The following TBPL1 variants were observed in gnomAD, a reference collection of about 807,000 sequenced individuals.
The protein encoded by TBPL1 is TATA-box binding protein like 1, also known as TATA box-binding protein-like 1.
TBPL1 carries 4 observed loss-of-function variants against 22.1 expected under a neutral mutation model. The observed-to-expected ratio is 0.18, with a 90% CI of 0.09 to 0.41. The LOEUF is 0.41. Ranked by LOEUF, TBPL1 falls within the 10% of genes least tolerant of loss-of-function variation. The pLI is 1.00. For synonymous variants in TBPL1, 64 were observed against 71.0 expected (o/e 0.90, Z 0.50); for missense variants, 115 against 222.3 (o/e 0.52, Z 3.07).
Position 133,987,393 on chromosome 6 carries a change from T to G in TBPL1, c.*353T>G, listed in dbSNP as rs954570920. Reference sequence around the variant, plus strand: ...TGAGCTAATGTGTTTTATTTGTGAATAGTCTTTTACATTTTTGTATGCTGA... The same window carrying G: ...TGAGCTAATGTGTTTTATTTGTGAAGAGTCTTTTACATTTTTGTATGCTGA... On this transcript the variant is annotated 3_prime_UTR_variant, in exon 7 of 7. Coordinates refer to ENST00000237264, the MANE Select transcript of TBPL1 (RefSeq NM_004865.4). 1 of 156,244 alleles carries G rather than the reference T, an allele frequency of 6.4e-6. No homozygotes were observed. The highest frequency in any genetic ancestry group is 6.5e-5 in the Admixed American group (1 of 15,384). The allele number at this position is 156,244 out of a possible 1,614,324, so 9.7% of individuals were successfully genotyped here. A position where few individuals can be genotyped will look rare whatever the true frequency, so the allele number is the denominator to read the frequency against.
At chr6:133,958,467 T>G (rs915810495) in intron 1 of TBPL1, among the ~76,000 whole-genome samples, 9 of 152,198 alleles carry the variant, frequency 5.9e-5, no homozygotes, top group South Asian at 2.1e-4. Flanking sequence ...AAGAATGACT[T>G]CGTAGGATAG....
rs1775872330 is a variant in TBPL1 at position 133,953,425 on chromosome 6, G to A, written c.-45G>A. The A allele has an allele frequency of 6.5e-6, 1 of 152,862 alleles. No homozygotes were observed. The highest frequency in any genetic ancestry group is 6.5e-5 in the Admixed American group (1 of 15,282). The allele number at this position is 152,862 out of a possible 1,614,324, so 9.5% of individuals were successfully genotyped here. A position where few individuals can be genotyped will look rare whatever the true frequency, so the allele number is the denominator to read the frequency against. The stretch of plus-strand genomic sequence containing the variant: ...CTCAGCCACCGCTCCCTCTTCCCAC[G>A]GTAACCCCCTAGGCGACCCTGGGCA... On this transcript the variant is annotated splice_region_variant and 5_prime_UTR_variant, in exon 1 of 7. Coordinates refer to ENST00000237264, the MANE Select transcript of TBPL1 (RefSeq NM_004865.4).
intron 1 of TBPL1, among the ~76,000 whole-genome samples, chr6:133,968,370 G>A (rs1399544869): frequency 6.6e-6 from 1 of 152,078 alleles, no homozygotes; most frequent in Non-Finnish European, 1.5e-5. Flanking sequence ...ATATAGTAAG[G>A]AATCATATGC....
At chr6:133,952,195 C>CG (rs1432860665), upstream of TBPL1, 2 of 152,252 alleles carry the variant, frequency 1.3e-5, no homozygotes, top group Admixed American at 6.5e-5. This position sits in a 1 kb window ranked among gnomAD's most constrained non-coding sequence, Gnocchi z 4.5. Flanking sequence ...TTCGCTCCCG[C>CG]GGGCAGCGCC....
chr6:133,957,225 G>A (rs1287921099), intron 1 of TBPL1, among the ~76,000 whole-genome samples: 5 of 152,160 alleles, frequency 3.3e-5, no homozygotes, highest in Non-Finnish European at 7.3e-5. Context: ...CTTTGTGTGG[G>A]AGTCAATAAT....
At chr6:133,969,996 T>C (rs1776189510) in intron 1 of TBPL1, among the ~76,000 whole-genome samples, 1 of 152,222 alleles carries the variant, frequency 6.6e-6, no homozygotes, top group Admixed American at 6.5e-5. Context: ...GTCTCATCTT[T>C]CACCTAATAG....
chr6:133,962,066 G>C (rs1357987232), intron 1 of TBPL1, among the ~76,000 whole-genome samples: 1 of 152,104 alleles, frequency 6.6e-6, no homozygotes, highest in East Asian at 1.9e-4. Flanking sequence ...GGGAAAGGAC[G>C]ATTTAGGCAG....
chr6:133,971,483 C>T (rs1776220044), intron 1 of TBPL1, among the ~76,000 whole-genome samples: 1 of 152,094 alleles, frequency 6.6e-6, no homozygotes, highest in African/African-American at 2.4e-5. Context: ...TTTTGAGGAA[C>T]TTCTATACTG....
chr6:133,982,731 A>T (rs1156229844), intron 3 of TBPL1, 81 bp downstream of exon 3: 8 of 1,583,978 alleles, frequency 5.1e-6, no homozygotes, highest in Non-Finnish European at 6.9e-6. Context: ...TTAACAGCAA[A>T]ATCATATGTA....
chr6:133,987,631 T>C lies in TBPL1; in HGVS notation c.*591T>C, dbSNP rs1486871574. ...TTCTTTTTGAAGTGTATTTTGTGTG[T>C]GTGTGTGTGTGTGTGTGTATATATA... On this transcript the variant is annotated 3_prime_UTR_variant, in exon 7 of 7. Coordinates refer to ENST00000237264, the MANE Select transcript of TBPL1 (RefSeq NM_004865.4). 6.8e-6 allele frequency: 1 copy of C among 146,098 alleles called. No individual in the cohort carries two copies. The highest frequency in any genetic ancestry group is 1.9e-4 in the East Asian group (1 of 5,166). The allele number at this position is 146,098 out of a possible 1,614,324, so 9.1% of individuals were successfully genotyped here. A position where few individuals can be genotyped will look rare whatever the true frequency, so the allele number is the denominator to read the frequency against.
At chr6:133,973,175 G>A (rs1414997306) in intron 1 of TBPL1, among the ~76,000 whole-genome samples, 1 of 152,192 alleles carries the variant, frequency 6.6e-6, no homozygotes. Flanking sequence ...GCTTTATAAA[G>A]GATGTGAGGT....
intron 1 of TBPL1, among the ~76,000 whole-genome samples, chr6:133,964,738 A>G (rs970602888): frequency 6.6e-6 from 1 of 152,090 alleles, no homozygotes; most frequent in East Asian, 1.9e-4. Context: ...GTGAGCCACC[A>G]TGCCCGGCCG....
chr6:133,988,795 A>C lies in TBPL1; in HGVS notation c.*1755A>C, dbSNP rs1776576008. The C allele has an allele frequency of 6.6e-6, 1 of 152,136 alleles. No homozygotes were observed. The highest frequency in any genetic ancestry group is 1.5e-5 in the Non-Finnish European group (1 of 68,020). 9.4% of individuals were successfully genotyped at this position (152,136 alleles called of 1,614,324 possible). A position where few individuals can be genotyped will look rare whatever the true frequency, so the allele number is the denominator to read the frequency against. On this transcript the variant is annotated 3_prime_UTR_variant, in exon 7 of 7. Coordinates refer to ENST00000237264, the MANE Select transcript of TBPL1 (RefSeq NM_004865.4). Reference sequence around the variant, plus strand: ...AGTAGGATAGCCAAATTCATAGAGAATAAAATTACATGAAAGAGTTACAAG... The same window carrying C: ...AGTAGGATAGCCAAATTCATAGAGACTAAAATTACATGAAAGAGTTACAAG...
At chr6:133,967,020 G>A (rs1416372508) in intron 1 of TBPL1, among the ~76,000 whole-genome samples, 1 of 152,120 alleles carries the variant, frequency 6.6e-6, no homozygotes, top group Non-Finnish European at 1.5e-5. Context: ...TGGCATAGAA[G>A]GCATGATTTG....
At chr6:133,968,655 T>G (rs534535319) in intron 1 of TBPL1, among the ~76,000 whole-genome samples, 317 of 152,232 alleles carry the variant, frequency 2.1e-3, no homozygotes, top group African/African-American at 6.4e-3. Flanking sequence ...GTCTACTGTC[T>G]TAGCATCCAA....
intron 1 of TBPL1, among the ~76,000 whole-genome samples, chr6:133,976,921 TC>T (rs1027516714): frequency 6.8e-6 from 1 of 146,064 alleles, no homozygotes; most frequent in African/African-American, 2.6e-5. Flanking sequence ...TGAGCCAAGA[TC>T]GCGTCACAGC....
chr6:133,968,397 G>A (rs906470037), intron 1 of TBPL1, among the ~76,000 whole-genome samples: 15 of 152,034 alleles, frequency 9.9e-5, no homozygotes, highest in African/African-American at 3.6e-4. Context: ...TCTCATCTTT[G>A]CGTTTGAATT....
At chr6:133,956,953 T>C (rs1775937805) in intron 1 of TBPL1, among the ~76,000 whole-genome samples, 1 of 152,234 alleles carries the variant, frequency 6.6e-6, no homozygotes, top group South Asian at 2.1e-4. Flanking sequence ...TTTTGTATTA[T>C]TAACCAGTCA....
At chr6:133,970,916 C>T (rs541430918) in intron 1 of TBPL1, among the ~76,000 whole-genome samples, 2 of 152,224 alleles carry the variant, frequency 1.3e-5, no homozygotes, top group South Asian at 4.1e-4. Flanking sequence ...GCATCTGTCA[C>T]CTCATGAATT....
Sources: allele counts gnomAD v4.1 joint callset (sites outside exome capture counted in the v4.1 genomes callset), GRCh38; gene constraint gnomAD v4.1.1; non-coding constraint Gnocchi (gnomAD v3.1); transcripts MANE v1.5; gene names NCBI Gene and HGNC (gene_info 2026-07-23, HGNC 2026-07-21).